Variants in SLC10A7 observed in about 807,000 individuals in gnomAD.
SLC10A7 encodes solute carrier family 10 member 7.
A neutral mutation model predicts 43.2 loss-of-function variants in SLC10A7; 29 were observed. The observed-to-expected ratio is 0.67, with a 90% CI of 0.50 to 0.92. The LOEUF (loss-of-function observed/expected upper bound fraction) is 0.92. Among genes scored for constraint, SLC10A7 ranks in the 40% least tolerant of loss-of-function variants. SLC10A7 has a pLI of 0.00. For synonymous variants in SLC10A7, 152 were observed against 144.8 expected (o/e 1.05, Z -0.35); for missense variants, 295 against 403.2 (o/e 0.73, Z 2.30).
intron 4 of SLC10A7, among the ~76,000 whole-genome samples, chr4:146,463,744 A>G (rs1230821827): frequency 6.6e-6 from 1 of 151,412 alleles, no homozygotes; most frequent in African/African-American, 2.5e-5. Flanking sequence ...CTGTCTTAAA[A>G]AAACAAAACA....
chr4:146,385,625 C>G (rs1044583995), intron 5 of SLC10A7, among the ~76,000 whole-genome samples: 3 of 152,020 alleles, frequency 2.0e-5, no homozygotes, highest in South Asian at 4.1e-4. Context: ...ATTTTAGATG[C>G]AAGGGGTACA....
At position 146,442,835 on chromosome 4, in the gene SLC10A7, A is replaced by T; in HGVS notation, c.397-14T>A. ...TATTGCAGCTGCCTATGAAGAAAAT[A>T]AATAGGGGAAAAAAACTCATTGAAA... On this transcript the variant is annotated splice_polypyrimidine_tract_variant and intron_variant, in intron 4 of 11. Transcript: ENST00000335472. 1 of 1,530,268 alleles carries T rather than the reference A, an allele frequency of 6.5e-7. No homozygotes were observed. The allele number at this position is 1,530,268 out of a possible 1,614,324, so 94.8% of individuals were successfully genotyped here.
chr4:146,512,503 T>A (rs890040311), intron 2 of SLC10A7, among the ~76,000 whole-genome samples: 2 of 152,186 alleles, frequency 1.3e-5, no homozygotes, highest in Non-Finnish European at 2.9e-5. Flanking sequence ...CATAAGAGAA[T>A]CATTTAAAAA....
chr4:146,435,164 C>G (rs564280363), intron 5 of SLC10A7, among the ~76,000 whole-genome samples: 46 of 152,242 alleles, frequency 3.0e-4, no homozygotes, highest in Non-Finnish European at 5.7e-4. Context: ...CAAACTAAAT[C>G]TGCCATTTCC....
chr4:146,274,481 G>A (rs1443536145), intron 10 of SLC10A7, among the ~76,000 whole-genome samples: 1 of 152,066 alleles, frequency 6.6e-6, no homozygotes, highest in Non-Finnish European at 1.5e-5. Context: ...TGGGATTACA[G>A]GCATGAGCCA....
intron 5 of SLC10A7, among the ~76,000 whole-genome samples, chr4:146,430,365 T>C (rs1729687739): frequency 6.6e-6 from 1 of 152,200 alleles, no homozygotes; most frequent in South Asian, 2.1e-4. Flanking sequence ...ATTGTGTGGA[T>C]GACAATGAAG....
intron 5 of SLC10A7, among the ~76,000 whole-genome samples, chr4:146,414,412 A>T (rs560975956): frequency 7.0e-4 from 107 of 152,228 alleles, no homozygotes; most frequent in Non-Finnish European, 1.3e-3. Context: ...GGCTAACATG[A>T]AGTTCACTAG....
chr4:146,323,415 G>A (rs996299312), intron 6 of SLC10A7, among the ~76,000 whole-genome samples: 5 of 152,136 alleles, frequency 3.3e-5, no homozygotes, highest in Admixed American at 6.6e-5. Flanking sequence ...ACGGTGTAAG[G>A]AAGGGATCCA....
intron 5 of SLC10A7, among the ~76,000 whole-genome samples, chr4:146,434,205 C>T (rs539123847): frequency 1.3e-5 from 2 of 152,116 alleles, no homozygotes; most frequent in African/African-American, 2.4e-5. Context: ...ACTACATCTA[C>T]GTAACACACA....
At chr4:146,286,823 G>C (rs62327816) in intron 9 of SLC10A7, among the ~76,000 whole-genome samples, 922 of 11,468 alleles carry the variant, frequency 0.08, no homozygotes, top group African/African-American at 0.27. Flanking sequence ...GGACTGTTTG[G>C]AGTGATGAGA....
chr4:146,425,980 A>C (rs1729323518), intron 5 of SLC10A7, among the ~76,000 whole-genome samples: 6 of 152,224 alleles, frequency 3.9e-5, no homozygotes, highest in Admixed American at 2.6e-4. Context: ...TTAACCATGA[A>C]GAGAGAATGC....
chr4:146,521,796 G>T lies in SLC10A7; in HGVS notation c.-79C>A. ...GCTCCGATCACCTAATCCTTGGAGC[G>T]TCTCCACACTTTCCTTGGTCCCTCC... On this transcript the variant is annotated 5_prime_UTR_variant, in exon 1 of 12. Coordinates refer to ENST00000335472, the MANE Select transcript of SLC10A7 (RefSeq NM_001029998.6). The T allele has an allele frequency of 2.6e-6, 3 of 1,157,424 alleles. No homozygotes were observed. Among genetic ancestry groups the T allele is most frequent in the Non-Finnish European group, 3.9e-6 (3 of 775,026 alleles). The allele number at this position is 1,157,424 out of a possible 1,614,324, so 71.7% of individuals were successfully genotyped here. A position where few individuals can be genotyped will look rare whatever the true frequency, so the allele number is the denominator to read the frequency against.
intron 10 of SLC10A7, among the ~76,000 whole-genome samples, chr4:146,265,943 T>C (rs922291719): frequency 1.3e-5 from 2 of 152,278 alleles, no homozygotes; most frequent in Middle Eastern, 3.4e-3. Flanking sequence ...CCTTTTGAAG[T>C]CTAATATTAC....
At chr4:146,335,233 G>C (rs1733798550) in intron 5 of SLC10A7, among the ~76,000 whole-genome samples, 1 of 124,712 alleles carries the variant, frequency 8.0e-6, no homozygotes, top group African/African-American at 3.1e-5. Flanking sequence ...ACTCATTAAA[G>C]TGTTGCCACA....
intron 9 of SLC10A7, among the ~76,000 whole-genome samples, chr4:146,292,170 C>G (rs771657348): frequency 1.3e-5 from 2 of 152,140 alleles, no homozygotes; most frequent in African/African-American, 4.8e-5. Flanking sequence ...GACTAGAGTA[C>G]CTTGTCCCCC....
intron 5 of SLC10A7, among the ~76,000 whole-genome samples, chr4:146,378,697 G>A (rs889871222): frequency 6.6e-6 from 1 of 152,170 alleles, no homozygotes; most frequent in Non-Finnish European, 1.5e-5. Flanking sequence ...GGAGAATATA[G>A]ATTAAGATAG....
At chr4:146,299,934 G>T (rs1207167372) in intron 7 of SLC10A7, among the ~76,000 whole-genome samples, 1 of 152,190 alleles carries the variant, frequency 6.6e-6, no homozygotes, top group African/African-American at 2.4e-5. Flanking sequence ...CTGCCAGGGA[G>T]TGAGGTGAAT....
intron 5 of SLC10A7, among the ~76,000 whole-genome samples, chr4:146,400,991 CA>C (rs958800340): frequency 2.0e-5 from 3 of 151,912 alleles, no homozygotes; most frequent in African/African-American, 7.3e-5. Context: ...AAAATACTCC[CA>C]AAGTAACAAA....
intron 4 of SLC10A7, among the ~76,000 whole-genome samples, chr4:146,497,469 T>G (rs1735999555): frequency 6.6e-6 from 1 of 152,196 alleles, no homozygotes; most frequent in African/African-American, 2.4e-5. Flanking sequence ...TAATTATATT[T>G]CTCTTCCACT....
Sources: allele counts gnomAD v4.1 joint callset (sites outside exome capture counted in the v4.1 genomes callset), GRCh38; gene constraint gnomAD v4.1.1; transcripts MANE v1.5; gene names NCBI Gene and HGNC (gene_info 2026-07-23, HGNC 2026-07-21).